The following TJP2 variants were observed in gnomAD, a reference collection of about 807,000 sequenced individuals.
TJP2 encodes Friedreich ataxia region gene X104 (tight junction protein ZO-2).
A neutral mutation model predicts 133.1 loss-of-function variants in TJP2; 91 were observed. The ratio of observed to expected loss-of-function variants is 0.68; its 90% CI spans 0.58 to 0.81. The LOEUF (loss-of-function observed/expected upper bound fraction) is 0.81, where lower values mean the gene tolerates loss of function less well. Among genes scored for constraint, TJP2 ranks in the 40% least tolerant of loss-of-function variants. The probability of loss-of-function intolerance (pLI) is 0.00; values close to 1 mark genes in which losing one functional copy is unlikely to be tolerated. For missense variants in TJP2, 1,541 were observed against 1,565.6 expected, an observed-to-expected ratio of 0.98 and a Z score of 0.26; for synonymous variants, 592 against 583.4, an observed-to-expected ratio of 1.01 and a Z score of -0.21.
Position 69,204,474 on chromosome 9 carries a change from C to T in TJP2, c.61-8074C>T, listed in dbSNP as rs143728034. On this transcript the variant is annotated intron_variant, in intron 1 of 22. Coordinates refer to ENST00000377245, the MANE Select transcript of TJP2 (RefSeq NM_004817.4). ...AAATTTGCTTCTCCACCCCTCCCTT[C>T]TCCCCAAGTGGTAAAGACAAAGAAC... Among the ~76,000 whole-genome samples, 630 of 152,292 alleles carry T rather than the reference C, an allele frequency of 4.1e-3. 7 individuals are homozygous for T. The highest frequency in any genetic ancestry group is 0.014 in the African/African-American group (592 of 41,554).
intron 1 of TJP2, 91 bp downstream of exon 1, chr9:69,174,523 G>A (rs1824915986): frequency 7.2e-7 from 1 of 1,392,266 alleles, no homozygotes. Flanking sequence ...CTGCTCTGAA[G>A]TTGTTCCCCG....
At chr9:69,161,408 T>C (rs1406116780) in intron 2 of TJP2, among the ~76,000 whole-genome samples, 1 of 152,138 alleles carries the variant, frequency 6.6e-6, no homozygotes, top group Admixed American at 6.5e-5. Flanking sequence ...TTTCTATTTT[T>C]AGTAGAGATG....
chr9:69,252,959 GAAGA>G, intron 22 of TJP2, 59 bp downstream of exon 22: 4 of 1,529,776 alleles, frequency 2.6e-6, no homozygotes, highest in East Asian at 2.3e-5. Flanking sequence ...ACTGGGACTT[GAAGA>G]AAGAATTTCC....
chr9:69,150,347 G>A (rs1203725386), intron 1 of TJP2, among the ~76,000 whole-genome samples: 1 of 143,700 alleles, frequency 7.0e-6, no homozygotes, highest in Non-Finnish European at 1.5e-5. Flanking sequence ...AGGCTGGAAT[G>A]CAGTGGTGAG....
At chr9:69,121,413 G>T (rs186966689), upstream of TJP2, 1,499 of 929,916 alleles carry the variant, frequency 1.6e-3, 24 homozygotes, top group African/African-American at 0.024. Flanking sequence ...CTGCTCTCTG[G>T]CTCGCCACCG....
intron 1 of TJP2, among the ~76,000 whole-genome samples, chr9:69,133,084 C>T (rs1822567649): frequency 1.3e-5 from 2 of 152,182 alleles, no homozygotes; most frequent in African/African-American, 2.4e-5. Context: ...ACCTCAGCCT[C>T]CCAAACAGCT....
At chr9:69,129,900 A>G (rs1329882045) in intron 1 of TJP2, among the ~76,000 whole-genome samples, 2 of 151,926 alleles carry the variant, frequency 1.3e-5, no homozygotes, top group African/African-American at 4.8e-5. Flanking sequence ...CTGTAATCCC[A>G]GCTGCTTGGG....
At chr9:69,197,270 T>C (rs531470736) in intron 1 of TJP2, among the ~76,000 whole-genome samples, 1 of 152,304 alleles carries the variant, frequency 6.6e-6, no homozygotes, top group South Asian at 2.1e-4. Flanking sequence ...CTTATATTAT[T>C]TTTAAGGATC....
In TJP2 at chr9:69,203,339, C is replaced by T. The variant is rs937950010; in HGVS notation, c.61-9209C>T. Reference sequence around the variant, plus strand: ...ATAATTTATTATTATTTTTTTGAGACGGAGTTCACTCTTGTTGCCTAGGCT... The same window carrying T: ...ATAATTTATTATTATTTTTTTGAGATGGAGTTCACTCTTGTTGCCTAGGCT... On this transcript the variant is annotated intron_variant, in intron 1 of 22. Coordinates refer to ENST00000377245, the MANE Select transcript of TJP2 (RefSeq NM_004817.4). Among the ~76,000 whole-genome samples, 16 of 151,752 alleles carry T rather than the reference C, an allele frequency of 1.1e-4. No individual in the cohort carries two copies. In the East Asian group the frequency reaches 1.5e-3, roughly 15 times the overall value.
Position 69,230,075 on chromosome 9 carries a change from A to G in TJP2, c.1521-7A>G, listed in dbSNP as rs373242928. The G allele has an allele frequency of 2.5e-6, 4 of 1,613,970 alleles. No homozygotes were observed. Among genetic ancestry groups the G allele is most frequent in the Non-Finnish European group, 3.4e-6 (4 of 1,179,988 alleles). Reference sequence around the variant, plus strand: ...ATCTTTCCTTTCTGAAACGGAACCTATTGCAGCCCTAATACCAAAATGGTA... The same window carrying G: ...ATCTTTCCTTTCTGAAACGGAACCTGTTGCAGCCCTAATACCAAAATGGTA... On this transcript the variant is annotated splice_polypyrimidine_tract_variant and splice_region_variant and intron_variant, in intron 10 of 22. Transcript: ENST00000377245.
intron 1 of TJP2, among the ~76,000 whole-genome samples, chr9:69,178,881 G>T (rs1418049950): frequency 6.6e-6 from 1 of 152,150 alleles, no homozygotes; most frequent in Non-Finnish European, 1.5e-5. Flanking sequence ...ATTCATTGCC[G>T]AAGAATGTGG....
chr9:69,207,132 A>G (rs1827492876), intron 1 of TJP2, among the ~76,000 whole-genome samples: 1 of 152,002 alleles, frequency 6.6e-6, no homozygotes, highest in Non-Finnish European at 1.5e-5. Context: ...GCGTGCGTAC[A>G]CACACACACG....
chr9:69,250,660 A>C (rs752142235), intron 20 of TJP2, among the ~76,000 whole-genome samples: 3 of 152,162 alleles, frequency 2.0e-5, no homozygotes, highest in Non-Finnish European at 2.9e-5. Context: ...CCCTCAGTGC[A>C]GCAGTGACCT....
intron 16 of TJP2, among the ~76,000 whole-genome samples, chr9:69,239,560 C>G (rs562363249): frequency 1.3e-5 from 2 of 152,150 alleles, no homozygotes; most frequent in Non-Finnish European, 2.9e-5. Context: ...CCTGTAATCC[C>G]AGCACTTTGG....
In TJP2 at chr9:69,140,047, T is replaced by G. The variant is rs1040976594; in HGVS notation, c.-130-11604T>G. 1.1e-4 allele frequency among the ~76,000 whole-genome samples: 16 copies of G among 152,326 alleles called. No homozygotes were observed. The South Asian group carries it at 2.9e-3, about 28-fold the overall frequency. ...AAACACCCTCAGAGCTGCCCTGGCC[T>G]CCTTCTTTCCTCCTCAGGTGCTTAA... is the stretch of plus-strand genomic sequence containing the variant. On this transcript the variant is annotated intron_variant, in intron 1 of 5. Coordinates refer to the TJP2 transcript ENST00000423935.
At chr9:69,218,519 A>G (rs1828561894) in intron 4 of TJP2, 160 bp downstream of exon 4, 1 of 686,710 alleles carries the variant, frequency 1.5e-6, no homozygotes, top group Admixed American at 2.1e-5. Flanking sequence ...AGATATGTGT[A>G]AGTTATCTTC....
chr9:69,129,610 C>G (rs997758109), intron 1 of TJP2, among the ~76,000 whole-genome samples: 2 of 152,098 alleles, frequency 1.3e-5, no homozygotes, highest in African/African-American at 4.8e-5. Flanking sequence ...TATTAGGGTA[C>G]TCTTTATTTT....
chr9:69,175,272 C>G (rs1464492660), intron 1 of TJP2, among the ~76,000 whole-genome samples: 1 of 152,146 alleles, frequency 6.6e-6, no homozygotes, highest in Non-Finnish European at 1.5e-5. Flanking sequence ...AAGTTCCCAG[C>G]GGAGAGTCAT....
chr9:69,169,001 G>A (rs1182524402), intron 2 of TJP2, among the ~76,000 whole-genome samples: 1 of 151,782 alleles, frequency 6.6e-6, no homozygotes, highest in Non-Finnish European at 1.5e-5. Context: ...GATGGGTGGA[G>A]CCAGGAGAGG....
Sources: gnomAD v4.1 joint callset for allele counts (sites outside exome capture counted in the v4.1 genomes callset) on GRCh38, gnomAD v4.1.1 for gene constraint, MANE v1.5 for transcripts, NCBI Gene and HGNC (gene_info 2026-07-23, HGNC 2026-07-21) for gene names.